NLGN1: variants seen among roughly 807,000 people sequenced by gnomAD.
The protein encoded by NLGN1 is neuroligin-1.
In NLGN1, 12 loss-of-function variants were observed where a neutral mutation model predicts 65.5. That is an observed-to-expected ratio of 0.18 (90% CI 0.12 to 0.30). The LOEUF is 0.30. NLGN1 is among the 10% of genes least tolerant of loss of function. NLGN1 has a pLI of 1.00. For missense variants in NLGN1, 750 were observed against 1,007.1 expected (o/e 0.74, Z 3.46); for synonymous variants, 350 against 359.5 (o/e 0.97, Z 0.30).
chr3:173,558,845 G>A (rs2149288312), intron 2 of NLGN1, among the ~76,000 whole-genome samples: 1 of 152,130 alleles, frequency 6.6e-6, no homozygotes, highest in Admixed American at 6.5e-5. Context: ...TTTGTATCCT[G>A]AGTATTATGT....
intron 5 of NLGN1, among the ~76,000 whole-genome samples, chr3:174,276,747 G>T (rs1330831909): frequency 1.3e-5 from 2 of 151,834 alleles, no homozygotes; most frequent in Middle Eastern, 3.2e-3. Flanking sequence ...CTGATTCAAG[G>T]TGACAAAATA....
intron 4 of NLGN1, among the ~76,000 whole-genome samples, chr3:174,267,087 AGAGG>A (rs1188836812): frequency 6.6e-6 from 1 of 152,080 alleles, no homozygotes; most frequent in Non-Finnish European, 1.5e-5. Context: ...ACCAAAACTC[AGAGG>A]GACTAACTAA....
intron 3 of NLGN1, among the ~76,000 whole-genome samples, chr3:173,645,073 G>A (rs1310295439): frequency 6.6e-6 from 1 of 152,238 alleles, no homozygotes. Context: ...TGGGGCCACA[G>A]GTAGGAGGCA....
intron 4 of NLGN1, among the ~76,000 whole-genome samples, chr3:173,945,714 G>A (rs898373738): frequency 7.2e-5 from 11 of 151,944 alleles, no homozygotes; most frequent in Non-Finnish European, 1.0e-4. Flanking sequence ...TTCCCCACTC[G>A]CATTTATGAG....
At chr3:174,150,114 T>C (rs1384478418) in intron 4 of NLGN1, among the ~76,000 whole-genome samples, 1 of 152,164 alleles carries the variant, frequency 6.6e-6, no homozygotes, top group Non-Finnish European at 1.5e-5. Context: ...ACTGTAGAAG[T>C]TGCCATTGCA....
chr3:174,055,573 T>G (rs1335996306), intron 4 of NLGN1, among the ~76,000 whole-genome samples: 1 of 151,952 alleles, frequency 6.6e-6, no homozygotes, highest in African/African-American at 2.4e-5. Flanking sequence ...TCATTAAAGA[T>G]TTTAGGCACT....
chr3:173,857,144 C>T (rs968578349), intron 4 of NLGN1, among the ~76,000 whole-genome samples: 6 of 151,920 alleles, frequency 3.9e-5, no homozygotes, highest in African/African-American at 1.5e-4. Context: ...GAGTAACCGA[C>T]AAAGGCTTTG....
At chr3:173,873,425 A>G (rs1731546909) in intron 4 of NLGN1, among the ~76,000 whole-genome samples, 1 of 152,176 alleles carries the variant, frequency 6.6e-6, no homozygotes, top group South Asian at 2.1e-4. Flanking sequence ...TAAGCTAAGA[A>G]GATGATTTTT....
intron 3 of NLGN1, among the ~76,000 whole-genome samples, chr3:173,770,247 A>G (rs1193768671): frequency 1.3e-5 from 2 of 152,128 alleles, no homozygotes; most frequent in African/African-American, 2.4e-5. Context: ...TCAGGCCTTC[A>G]CAGTCTAGTT....
chr3:174,131,885 A>G (rs9839929), intron 4 of NLGN1, among the ~76,000 whole-genome samples: 10,175 of 152,254 alleles, frequency 0.067, 469 homozygotes, highest in African/African-American at 0.12. Flanking sequence ...CTAGAATATA[A>G]AATCTCAACA....
chr3:174,258,497 C>T (rs1021217415), intron 4 of NLGN1, among the ~76,000 whole-genome samples: 3 of 151,900 alleles, frequency 2.0e-5, no homozygotes, highest in African/African-American at 7.3e-5. Flanking sequence ...TTATACTTAC[C>T]CCATGCAAAG....
chr3:173,780,370 G>A (rs973144726), intron 3 of NLGN1, among the ~76,000 whole-genome samples: 5 of 152,116 alleles, frequency 3.3e-5, no homozygotes, highest in Non-Finnish European at 7.4e-5. Context: ...AAAAATGTTC[G>A]TTATGTTCAA....
intron 3 of NLGN1, among the ~76,000 whole-genome samples, chr3:173,788,532 C>T (rs1039581865): frequency 1.3e-5 from 2 of 151,670 alleles, no homozygotes; most frequent in South Asian, 2.1e-4. Flanking sequence ...ATAAATGATC[C>T]TATGAAATTG....
At chr3:174,264,404 A>ACTT (rs1482581160) in intron 4 of NLGN1, among the ~76,000 whole-genome samples, 2 of 143,236 alleles carry the variant, frequency 1.4e-5, no homozygotes, top group African/African-American at 5.2e-5. Context: ...TTTTCTCTAA[A>ACTT]CTTCCCTTCT....
intron 3 of NLGN1, among the ~76,000 whole-genome samples, chr3:173,696,513 A>G (rs1766243499): frequency 6.6e-6 from 1 of 152,170 alleles, no homozygotes; most frequent in African/African-American, 2.4e-5. Context: ...TGAGCCAATC[A>G]TCTGTGGCCC....
chr3:173,464,416 T>G (rs966664352), intron 2 of NLGN1, among the ~76,000 whole-genome samples: 1 of 148,346 alleles, frequency 6.7e-6, no homozygotes. Flanking sequence ...TCAAACCACC[T>G]CCCATGGTAT....
chr3:174,048,286 C>T (rs1734069499), intron 4 of NLGN1, among the ~76,000 whole-genome samples: 1 of 151,976 alleles, frequency 6.6e-6, no homozygotes, highest in Non-Finnish European at 1.5e-5. Context: ...GTCACTTGCC[C>T]TTTATAAGCT....
chr3:173,419,017 C>CTTTTTTTTTTTTTTTTTTTTTTTTT (rs1714402944), intron 1 of NLGN1, among the ~76,000 whole-genome samples: 3 of 11,280 alleles, frequency 2.7e-4, no homozygotes, highest in African/African-American at 1.1e-3. Context: ...CTTTCTTCTT[C>CTTTTTTTTTTTTTTTTTTTTTTTTT]TTCTTTTTTT....
At chr3:173,805,185 T>C (rs1716381563) in intron 3 of NLGN1, among the ~76,000 whole-genome samples, 1 of 152,208 alleles carries the variant, frequency 6.6e-6, no homozygotes, top group South Asian at 2.1e-4. Flanking sequence ...CCAAGAATTT[T>C]ACCTGTTTTA....
Sources: allele counts gnomAD v4.1 joint callset (sites outside exome capture counted in the v4.1 genomes callset), GRCh38; gene constraint gnomAD v4.1.1; transcripts MANE v1.5; gene names NCBI Gene and HGNC (gene_info 2026-07-23, HGNC 2026-07-21).